Variants in PRKCB observed in about 807,000 individuals in gnomAD.
The protein encoded by PRKCB is protein kinase C beta, also known as protein kinase C beta type.
A neutral mutation model predicts 81.5 loss-of-function variants in PRKCB; 13 were observed. The ratio of observed to expected loss-of-function variants is 0.16; its 90% CI spans 0.10 to 0.25. The LOEUF (loss-of-function observed/expected upper bound fraction) is 0.25, where lower values mean the gene tolerates loss of function less well. Among genes scored for constraint, PRKCB ranks in the 10% least tolerant of loss-of-function variants. The pLI, the probability that PRKCB is intolerant of heterozygous loss-of-function variation, is 1.00. For missense variants in PRKCB, 509 were observed against 875.7 expected, an observed-to-expected ratio of 0.58 and a Z score of 5.29; for synonymous variants, 335 against 321.4, an observed-to-expected ratio of 1.04 and a Z score of -0.45.
intron 2 of PRKCB, among the ~76,000 whole-genome samples, chr16:23,852,096 G>T (rs746310772): frequency 5.3e-5 from 8 of 152,018 alleles, no homozygotes; most frequent in Non-Finnish European, 8.8e-5. Flanking sequence ...CTTCCTATTA[G>T]GATGCCTTTT....
At chr16:24,094,051 C>T in intron 6 of PRKCB, 112 bp from the exon 7 acceptor site, 1 of 1,203,328 alleles carries the variant, frequency 8.3e-7, no homozygotes, top group Non-Finnish European at 1.1e-6. Context: ...TTTCTTTCAG[C>T]AGCTTGTAAT....
intron 5 of PRKCB, among the ~76,000 whole-genome samples, chr16:24,065,609 T>C (rs1218340397): frequency 6.6e-6 from 1 of 152,220 alleles, no homozygotes; most frequent in Non-Finnish European, 1.5e-5. Context: ...CTGTTAGTTT[T>C]CATTCTTTCT....
At chr16:24,044,998 A>G (rs1965746821) in intron 5 of PRKCB, among the ~76,000 whole-genome samples, 1 of 152,230 alleles carries the variant, frequency 6.6e-6, no homozygotes, top group South Asian at 2.1e-4. Context: ...AAACACTGGG[A>G]TCGCAGCAGG....
chr16:24,050,128 T>A (rs1976194), intron 5 of PRKCB, among the ~76,000 whole-genome samples: 1 of 152,068 alleles, frequency 6.6e-6, no homozygotes, highest in East Asian at 1.9e-4. Context: ...ACAGGTATGT[T>A]GACAGCCTTC....
chr16:24,139,812 G>A (rs1030977807), intron 9 of PRKCB, among the ~76,000 whole-genome samples: 1 of 152,188 alleles, frequency 6.6e-6, no homozygotes, highest in Admixed American at 6.5e-5. Flanking sequence ...TAGCCAAGTT[G>A]TATCATCCGA....
At chr16:23,996,679 A>G (rs1964961512) in intron 3 of PRKCB, among the ~76,000 whole-genome samples, 1 of 152,226 alleles carries the variant, frequency 6.6e-6, no homozygotes, top group African/African-American at 2.4e-5. Context: ...TCCACACAGC[A>G]TTGTGTCTGA....
intron 2 of PRKCB, among the ~76,000 whole-genome samples, chr16:23,983,105 C>T (rs1446932544): frequency 6.8e-6 from 1 of 146,780 alleles, no homozygotes; most frequent in Non-Finnish European, 1.5e-5. Flanking sequence ...GTAAATGTTG[C>T]CTCTTCTTAA....
At chr16:24,172,426 G>A (rs1967457022) in intron 11 of PRKCB, 65 bp downstream of exon 11, 1 of 1,449,562 alleles carries the variant, frequency 6.9e-7, no homozygotes, top group South Asian at 1.2e-5. Flanking sequence ...GTTCCTTTGA[G>A]GGTGTTTTTT....
At chr16:24,096,272 A>G (rs1043288714) in intron 7 of PRKCB, among the ~76,000 whole-genome samples, 2 of 152,182 alleles carry the variant, frequency 1.3e-5, no homozygotes, top group African/African-American at 4.8e-5. Flanking sequence ...AAATAAAATG[A>G]AATAAAATAA....
Position 24,217,916 on chromosome 16 carries a change from C to T in PRKCB, c.*3100C>T. The stretch of plus-strand genomic sequence containing the variant: ...AGGGACAGTGGCCCATTTGGGAGAC[C>T]TTTAGGATCAATGGGAATCAATTCC... On this transcript the variant is annotated 3_prime_UTR_variant, in exon 17 of 17. Coordinates refer to ENST00000643927, the MANE Select transcript of PRKCB (RefSeq NM_002738.7). The T allele has an allele frequency of 2.2e-5, 22 of 985,326 alleles. No homozygotes were observed. Among genetic ancestry groups the T allele is most frequent in the Non-Finnish European group, 2.5e-5 (21 of 829,918 alleles). The allele number at this position is 985,326 out of a possible 1,614,324, so 61.0% of individuals were successfully genotyped here.
chr16:23,935,606 CA>C (rs200623798), intron 2 of PRKCB, among the ~76,000 whole-genome samples: 26 of 149,328 alleles, frequency 1.7e-4, no homozygotes, highest in Non-Finnish European at 2.4e-4. Context: ...TCACAGGACT[CA>C]AAAAAAAATA....
chr16:23,905,819 A>C (rs1307311282), intron 2 of PRKCB, among the ~76,000 whole-genome samples: 3 of 152,158 alleles, frequency 2.0e-5, no homozygotes, highest in South Asian at 4.1e-4. Context: ...ATAAGTGGAA[A>C]TATATTATAG....
intron 2 of PRKCB, among the ~76,000 whole-genome samples, chr16:23,987,591 C>G (rs1964818645): frequency 6.6e-6 from 1 of 152,054 alleles, no homozygotes; most frequent in Non-Finnish European, 1.5e-5. Context: ...TTTTTGTGAC[C>G]TTAGCAACCA....
intron 8 of PRKCB, among the ~76,000 whole-genome samples, chr16:24,120,160 G>C: frequency 6.6e-6 from 1 of 152,306 alleles, no homozygotes; most frequent in African/African-American, 2.4e-5. Flanking sequence ...TGACCTATGG[G>C]ATAGAAACTG....
chr16:23,916,750 C>T (rs1030387030), intron 2 of PRKCB, among the ~76,000 whole-genome samples: 10 of 152,136 alleles, frequency 6.6e-5, no homozygotes, highest in African/African-American at 2.4e-4. Context: ...CATGTCAGTG[C>T]ATATAGAACA....
At chr16:23,878,615 A>G (rs1293444765) in intron 2 of PRKCB, among the ~76,000 whole-genome samples, 1 of 152,240 alleles carries the variant, frequency 6.6e-6, no homozygotes, top group East Asian at 1.9e-4. Context: ...TCAGCTGGGA[A>G]CACATGTTGG....
chr16:23,864,821 T>C (rs749983583), intron 2 of PRKCB, among the ~76,000 whole-genome samples: 3 of 152,154 alleles, frequency 2.0e-5, no homozygotes, highest in East Asian at 1.9e-4. Flanking sequence ...AGGGTTTCTA[T>C]TGGTCGCGCC....
In PRKCB at chr16:24,123,975, T is replaced by C; in HGVS notation, c.1059T>C (p.Phe353=). ...NFLMVLGKGS[F]GKVMLSERKG... ...TAATGGTGCTGGGGAAAGGCAGCTTTGGCAAGGTATGGTATGATTTGGTGG... is the reference window on the plus strand; with the variant it reads ...TAATGGTGCTGGGGAAAGGCAGCTTCGGCAAGGTATGGTATGATTTGGTGG... The change falls in exon 9 of 17, where the codon TTT becomes TTC. Residue 353 remains phenylalanine (F), a synonymous_variant. Coordinates refer to ENST00000643927, the MANE Select transcript of PRKCB (RefSeq NM_002738.7). 1 of 1,614,142 alleles carries C rather than the reference T, an allele frequency of 6.2e-7. No individual in the cohort carries two copies. The highest frequency in any genetic ancestry group is 8.5e-7 in the Non-Finnish European group (1 of 1,180,004).
At chr16:23,901,783 C>G (rs1172538408) in intron 2 of PRKCB, among the ~76,000 whole-genome samples, 1 of 152,110 alleles carries the variant, frequency 6.6e-6, no homozygotes, top group African/African-American at 2.4e-5. Context: ...TTCGAGTGGT[C>G]AAGAAGACAC....
Sources: allele counts gnomAD v4.1 joint callset (sites outside exome capture counted in the v4.1 genomes callset), GRCh38; gene constraint gnomAD v4.1.1; transcripts MANE v1.5; gene names NCBI Gene and HGNC (gene_info 2026-07-23, HGNC 2026-07-21).